Variants in CAMK1 observed in about 807,000 individuals in gnomAD.
CAMK1 encodes the protein calcium/calmodulin dependent protein kinase I, also known as calcium/calmodulin-dependent protein kinase type 1.
A neutral mutation model predicts 49.1 loss-of-function variants in CAMK1; 39 were observed. That is an observed-to-expected ratio of 0.79 (90% CI 0.62 to 1.04). The LOEUF (loss-of-function observed/expected upper bound fraction) is 1.04, where lower values mean the gene tolerates loss of function less well. Among genes scored for constraint, CAMK1 ranks in the 50% least tolerant of loss-of-function variants. CAMK1 has a pLI of 0.00. For synonymous variants in CAMK1, 192 were observed against 185.2 expected (o/e 1.04, Z -0.30); for missense variants, 457 against 472.2 (o/e 0.97, Z 0.30).
In CAMK1 at chr3:9,761,957, G is replaced by A. The variant is rs1575236493; in HGVS notation, c.430-200C>T. The stretch of plus-strand genomic sequence containing the variant: ...GACAAGGCTCAAGAGGGTGTGGGGG[G>A]GAACTGTCTCTAAACCTCAGGTGTG... On this transcript the variant is annotated intron_variant, in intron 5 of 11. Coordinates refer to ENST00000256460, the MANE Select transcript of CAMK1 (RefSeq NM_003656.5). The A allele has an allele frequency of 7.4e-6, 5 of 674,440 alleles. No individual in the cohort carries two copies. In the East Asian group the frequency reaches 8.9e-5, roughly 12 times the overall value. The allele number at this position is 674,440 out of a possible 1,614,324, so 41.8% of individuals were successfully genotyped here.
chr3:9,767,540 G>T, intron 2 of CAMK1, 127 bp downstream of exon 2: 1 of 1,195,066 alleles, frequency 8.4e-7, no homozygotes, highest in Non-Finnish European at 1.2e-6. Flanking sequence ...GGACAGTTTA[G>T]GCCCTAGATA....
intron 10 of CAMK1, chr3:9,758,135 C>G (rs1237401011): frequency 7.3e-6 from 2 of 273,554 alleles, no homozygotes; most frequent in Non-Finnish European, 6.9e-6. Flanking sequence ...ATGTCAGGCA[C>G]TGTTCTAAGC....
intron 8 of CAMK1, chr3:9,760,086 C>CAA (rs35548060): frequency 9.1e-6 from 2 of 220,300 alleles, no homozygotes; most frequent in South Asian, 6.7e-5. Flanking sequence ...ACTAAAAATA[C>CAA]AAAAAAAATT....
At position 9,763,063 on chromosome 3, in the gene CAMK1, G is replaced by T. The variant is rs1282772639; in HGVS notation, c.291-11C>A. ...TCCCCACCCGACACCCTGCAGCAGG[G>T]GATAGGGCAGTCTGGCAAAGAGGGT... On this transcript the variant is annotated splice_polypyrimidine_tract_variant and intron_variant, in intron 4 of 11. Coordinates refer to ENST00000256460, the MANE Select transcript of CAMK1 (RefSeq NM_003656.5). The T allele has an allele frequency of 1.2e-6, 2 of 1,614,152 alleles. No homozygotes were observed. The highest frequency in any genetic ancestry group is 1.3e-5 in the African/African-American group (1 of 75,052).
Position 9,760,695 on chromosome 3 carries a change from C to T in CAMK1, c.706G>A (p.Glu236Lys), listed in dbSNP as rs770601593. 5.0e-6 allele frequency: 8 copies of T among 1,614,036 alleles called. No homozygotes were observed. Among genetic ancestry groups the T allele is most frequent in the Middle Eastern group, 1.7e-4 (1 of 6,058 alleles). ...TCGTCCCAGTAAGGAGAGTCAAACT[C>T]GTACTCGGCCTTCAAAATCTGTTCA... is the stretch of plus-strand genomic sequence containing the variant. ...LFEQILKAEY[E>K]FDSPYWDDIS... Residue 236 changes from glutamate (E) to lysine (K), a missense_variant, in exon 8 of 12, where the codon GAG becomes AAG. By Grantham distance (56) the Glu-to-Lys change is moderately conservative. Coordinates refer to ENST00000256460, the MANE Select transcript of CAMK1 (RefSeq NM_003656.5).
At chr3:9,766,431 C>A in intron 2 of CAMK1, 1 of 446,808 alleles carries the variant, frequency 2.2e-6, no homozygotes, top group South Asian at 2.1e-5. Context: ...CAGCATCACC[C>A]GGGAACTTTT....
chr3:9,763,939 T>A (rs2078014675), intron 3 of CAMK1, among the ~76,000 whole-genome samples: 1 of 151,898 alleles, frequency 6.6e-6, no homozygotes, highest in Non-Finnish European at 1.5e-5. Flanking sequence ...TGAGTCGAGA[T>A]CATGCCATTA....
Position 9,761,622 on chromosome 3 carries a change from C to T in CAMK1, c.556+9G>A. Reference sequence around the variant, plus strand: ...CACCATCACAGCCCCAGCCCAGGGCCCTCCGCACCCACGTATCCCGGAGTT... The same window carrying T: ...CACCATCACAGCCCCAGCCCAGGGCTCTCCGCACCCACGTATCCCGGAGTT... On this transcript the variant is annotated intron_variant, in intron 6 of 11. Coordinates refer to ENST00000256460, the MANE Select transcript of CAMK1 (RefSeq NM_003656.5). The T allele has an allele frequency of 6.2e-7, 1 of 1,614,100 alleles. No individual in the cohort carries two copies. Among genetic ancestry groups the T allele is most frequent in the Non-Finnish European group, 8.5e-7 (1 of 1,179,984 alleles).
At chr3:9,766,043 G>A in intron 2 of CAMK1, 153 bp from the exon 3 acceptor site, 3 of 1,604,634 alleles carry the variant, frequency 1.9e-6, no homozygotes, top group East Asian at 2.3e-5. Flanking sequence ...CTCCAGAGAT[G>A]GTCACATGAC....
intron 3 of CAMK1, among the ~76,000 whole-genome samples, chr3:9,763,687 C>A (rs1559700978): frequency 1.3e-5 from 2 of 152,134 alleles, no homozygotes; most frequent in Non-Finnish European, 2.9e-5. Flanking sequence ...CTGATACATA[C>A]CTCTTAAGAG....
Position 9,761,460 on chromosome 3 carries a change from C to G in CAMK1, c.632+1G>C. The G allele has an allele frequency of 1.2e-6, 2 of 1,609,326 alleles. No homozygotes were observed. The highest frequency in any genetic ancestry group is 1.7e-6 in the Non-Finnish European group (2 of 1,177,288). Reference sequence around the variant, plus strand: ...GCCTACCATGGCCAAGCCCCACTTACAAGATGTAGGCGATGACACCTATGG... The same window carrying G: ...GCCTACCATGGCCAAGCCCCACTTAGAAGATGTAGGCGATGACACCTATGG... On this transcript the variant is annotated splice_donor_variant, in intron 7 of 11. Coordinates refer to ENST00000256460, the MANE Select transcript of CAMK1 (RefSeq NM_003656.5). LOFTEE classifies it high-confidence loss of function.
chr3:9,766,479 T>TA, intron 2 of CAMK1: 1 of 379,900 alleles, frequency 2.6e-6, no homozygotes, highest in Non-Finnish European at 4.8e-6. Context: ...GGATCCTGGG[T>TA]CAAAAAAAAG....
At chr3:9,761,922 T>C (rs1259137935) in intron 5 of CAMK1, 165 bp from the exon 6 acceptor site, 1 of 1,047,414 alleles carries the variant, frequency 9.5e-7, no homozygotes, top group Non-Finnish European at 1.3e-6. Context: ...AGGCCAAAAA[T>C]TCCAGGAAGG....
intron 2 of CAMK1, 146 bp from the exon 3 acceptor site, chr3:9,766,036 C>T: frequency 2.5e-6 from 4 of 1,607,686 alleles, no homozygotes; most frequent in Non-Finnish European, 3.4e-6. Context: ...CCCCTGGCTC[C>T]AGAGATGGTC....
intron 3 of CAMK1, 91 bp downstream of exon 3, chr3:9,765,668 T>G: frequency 7.0e-7 from 1 of 1,434,290 alleles, no homozygotes; most frequent in South Asian, 1.2e-5. Context: ...GCTTAGAGAG[T>G]TTAAATGATT....
intron 5 of CAMK1, 69 bp downstream of exon 5, chr3:9,762,845 A>G: frequency 6.6e-7 from 1 of 1,525,412 alleles, no homozygotes; most frequent in Non-Finnish European, 9.0e-7. Flanking sequence ...GCCCAAGGTC[A>G]GACAGTTTGG....
Position 9,757,586 on chromosome 3 carries a change from C to G in CAMK1, c.1066G>C (p.Val356Leu). Reference sequence around the variant, plus strand: ...GGGGACAGTTCTGTGCCCGGCTCCACGCAGCAGTCTCGACAGCAACAGCCA... The same window carrying G: ...GGGGACAGTTCTGTGCCCGGCTCCAGGCAGCAGTCTCGACAGCAACAGCCA... ...AAGCCCRDCC[V>L]EPGTELSPTL... The change falls in exon 12 of 12, where the codon GTG becomes CTG. Residue 356 changes from valine to leucine, a missense_variant. Transcript: ENST00000256460. The surrounding 1 kb of genome is among the most constrained non-coding windows in gnomAD (Gnocchi z 4.5). The G allele has an allele frequency of 6.2e-7, 1 of 1,614,166 alleles. No individual in the cohort carries two copies. The highest frequency in any genetic ancestry group is 8.5e-7 in the Non-Finnish European group (1 of 1,180,044).
At position 9,757,757 on chromosome 3, in the gene CAMK1, A is replaced by G. The variant is rs1309539227; in HGVS notation, c.1002T>C (p.His334=). The change falls in exon 11 of 12, where the codon CAT becomes CAC. Residue 334 remains histidine, a synonymous_variant. Coordinates refer to ENST00000256460, the MANE Select transcript of CAMK1 (RefSeq NM_003656.5). The surrounding 1 kb of genome is among the most constrained non-coding windows in gnomAD (Gnocchi z 4.5). ...CAGCCACTGGTGTCAGCAGCTCCCC[A>G]TGGCTCGCCGTCTGCCCCTGCCCCT... ...SQEGQGQTAS[H]GELLTPVAGG... 4.3e-6 allele frequency: 7 copies of G among 1,614,020 alleles called. No homozygotes were observed. Among genetic ancestry groups the G allele is most frequent in the South Asian group, 1.1e-5 (1 of 91,078 alleles).
intron 10 of CAMK1, chr3:9,759,196 GTCA>G (rs2077729363): frequency 6.2e-7 from 1 of 1,612,886 alleles, no homozygotes; most frequent in Non-Finnish European, 8.5e-7. Context: ...GCTCTGTCAG[GTCA>G]TCACCACTTT....
Sources: allele counts gnomAD v4.1 joint callset (sites outside exome capture counted in the v4.1 genomes callset), GRCh38; gene constraint gnomAD v4.1.1; non-coding constraint Gnocchi (gnomAD v3.1); transcripts MANE v1.5; gene names NCBI Gene and HGNC (gene_info 2026-07-23, HGNC 2026-07-21).